ROBO1: variants seen among roughly 807,000 people sequenced by gnomAD.
ROBO1 encodes roundabout guidance receptor 1, also known as roundabout homolog 1.
In ROBO1, 149 loss-of-function variants were observed where a neutral mutation model predicts 195.9. That is an observed-to-expected ratio of 0.76 (90% CI 0.67 to 0.87). ROBO1 has a LOEUF of 0.87. ROBO1 is among the 40% of genes least tolerant of loss of function. The probability of loss-of-function intolerance (pLI) is 0.00; values close to 1 mark genes in which losing one functional copy is unlikely to be tolerated. For synonymous variants in ROBO1, 816 were observed against 733.2 expected (o/e 1.11, Z -1.82); for missense variants, 1,933 against 2,068.3 (o/e 0.93, Z 1.27).
intron 2 of ROBO1, among the ~76,000 whole-genome samples, chr3:79,583,005 T>A (rs1042744978): frequency 1.3e-5 from 2 of 151,982 alleles, no homozygotes; most frequent in African/African-American, 4.8e-5. Context: ...ATCTGTGAAG[T>A]CTTTCATGCC....
At chr3:79,385,257 T>C (rs2036701100) in intron 2 of ROBO1, among the ~76,000 whole-genome samples, 1 of 152,140 alleles carries the variant, frequency 6.6e-6, no homozygotes, top group Admixed American at 6.6e-5. Flanking sequence ...TGGCTTCAGT[T>C]ATTTGAATCT....
At chr3:79,171,255 C>T (rs916208836) in intron 2 of ROBO1, among the ~76,000 whole-genome samples, 1 of 150,310 alleles carries the variant, frequency 6.7e-6, no homozygotes, top group African/African-American at 2.4e-5. Context: ...TTTACTTCAT[C>T]GTTAGTATCA....
intron 2 of ROBO1, among the ~76,000 whole-genome samples, chr3:79,457,200 TACAA>T (rs572118567): frequency 5.9e-5 from 9 of 152,200 alleles, no homozygotes; most frequent in South Asian, 2.1e-4. Context: ...CAGTCATTAG[TACAA>T]ACAAACAAAA....
At chr3:79,196,602 C>A (rs1339333472) in intron 2 of ROBO1, among the ~76,000 whole-genome samples, 1 of 151,586 alleles carries the variant, frequency 6.6e-6, no homozygotes, top group East Asian at 1.9e-4. Flanking sequence ...TTGTCGAAAG[C>A]AAATGGAATG....
chr3:79,559,189 T>G (rs75869979), intron 2 of ROBO1, among the ~76,000 whole-genome samples: 194 of 152,298 alleles, frequency 1.3e-3, no homozygotes, highest in African/African-American at 4.4e-3. Context: ...TGTACCGACT[T>G]AGCTTTCATG....
chr3:79,441,431 T>TA (rs1368628132), intron 2 of ROBO1, among the ~76,000 whole-genome samples: 2 of 152,276 alleles, frequency 1.3e-5, no homozygotes, highest in Admixed American at 1.3e-4. Flanking sequence ...TATTAGCATT[T>TA]CTTGCCATCA....
chr3:79,166,223 A>G (rs1382406401), intron 2 of ROBO1, among the ~76,000 whole-genome samples: 2 of 152,214 alleles, frequency 1.3e-5, no homozygotes, highest in African/African-American at 4.8e-5. Context: ...AGAAAATTAC[A>G]TACTTAATCT....
chr3:79,361,468 T>G (rs546356525), intron 2 of ROBO1, among the ~76,000 whole-genome samples: 1 of 152,076 alleles, frequency 6.6e-6, no homozygotes, highest in African/African-American at 2.4e-5. Context: ...ATTAAACAAC[T>G]TAATATTTTA....
intron 4 of ROBO1, among the ~76,000 whole-genome samples, chr3:78,817,443 C>A (rs893127032): frequency 1.4e-4 from 22 of 151,982 alleles, no homozygotes; most frequent in African/African-American, 5.3e-4. Context: ...TCATCTGACT[C>A]ACTTTCTTGT....
intron 2 of ROBO1, among the ~76,000 whole-genome samples, chr3:79,307,235 G>A (rs1023999761): frequency 7.2e-5 from 11 of 151,956 alleles, no homozygotes; most frequent in African/African-American, 2.4e-4. Context: ...GTGTATCTGA[G>A]CCCTGGACCC....
At chr3:79,510,841 C>G (rs1940666873) in intron 2 of ROBO1, among the ~76,000 whole-genome samples, 1 of 152,130 alleles carries the variant, frequency 6.6e-6, no homozygotes, top group African/African-American at 2.4e-5. Flanking sequence ...CATTCCAACA[C>G]TTCCTAGAAA....
intron 2 of ROBO1, among the ~76,000 whole-genome samples, chr3:79,351,521 CAA>C (rs1271918907): frequency 4.0e-5 from 6 of 151,846 alleles, no homozygotes; most frequent in Non-Finnish European, 5.9e-5. Context: ...ACCAAAAAAC[CAA>C]AAAGATATTT....
At chr3:79,631,537 A>T (rs1010631711) in intron 1 of ROBO1, among the ~76,000 whole-genome samples, 1 of 152,066 alleles carries the variant, frequency 6.6e-6, no homozygotes, top group African/African-American at 2.4e-5. Flanking sequence ...AAAATCTTAG[A>T]AGAAACCCTG....
At chr3:78,815,200 AAAGG>A (rs1483393787) in intron 4 of ROBO1, among the ~76,000 whole-genome samples, 1 of 152,098 alleles carries the variant, frequency 6.6e-6, no homozygotes, top group Non-Finnish European at 1.5e-5. Flanking sequence ...TGTTCAAGTG[AAAGG>A]AAGAGTGGCA....
intron 1 of ROBO1, among the ~76,000 whole-genome samples, chr3:79,678,262 T>C (rs960944646): frequency 6.6e-6 from 1 of 151,844 alleles, no homozygotes; most frequent in Non-Finnish European, 1.5e-5. Flanking sequence ...GAGCTGAACA[T>C]GAGGAGCAGA....
At chr3:78,688,098 G>A (rs535127560) in intron 9 of ROBO1, among the ~76,000 whole-genome samples, 1 of 152,254 alleles carries the variant, frequency 6.6e-6, no homozygotes, top group East Asian at 1.9e-4. Context: ...AAAACTTGAA[G>A]TTCATAAAAT....
At chr3:78,819,832 T>A (rs542991987) in intron 4 of ROBO1, among the ~76,000 whole-genome samples, 1 of 152,190 alleles carries the variant, frequency 6.6e-6, no homozygotes, top group Non-Finnish European at 1.5e-5. Flanking sequence ...ACAACACACA[T>A]AGACACACAC....
intron 19 of ROBO1, among the ~76,000 whole-genome samples, chr3:78,650,745 T>G (rs994253659): frequency 6.6e-6 from 1 of 152,218 alleles, no homozygotes; most frequent in Non-Finnish European, 1.5e-5. Flanking sequence ...GCTGTTGCAT[T>G]CGACTGAAGG....
intron 3 of ROBO1, among the ~76,000 whole-genome samples, chr3:79,096,642 T>G (rs899438753): frequency 6.6e-6 from 1 of 151,266 alleles, no homozygotes; most frequent in Admixed American, 6.6e-5. Context: ...TGTATACACA[T>G]AGGAAGACTA....
Sources: gnomAD v4.1 joint callset for allele counts (sites outside exome capture counted in the v4.1 genomes callset) on GRCh38, gnomAD v4.1.1 for gene constraint, MANE v1.5 for transcripts, NCBI Gene and HGNC (gene_info 2026-07-23, HGNC 2026-07-21) for gene names.